The following DNAH9 variants were observed in gnomAD, a reference collection of about 807,000 sequenced individuals.
DNAH9 encodes dynein axonemal heavy chain 9.
In DNAH9, 345 loss-of-function variants were observed where a neutral mutation model predicts 471.6. The ratio of observed to expected loss-of-function variants is 0.73; its 90% confidence interval spans 0.67 to 0.80. The LOEUF is 0.80. DNAH9 is among the 30% of genes least tolerant of loss of function. The pLI is 0.00. For missense variants in DNAH9, 5,407 were observed against 5,609.2 expected (o/e 0.96, Z 1.15); for synonymous variants, 2,093 against 2,123.6 (o/e 0.99, Z 0.40).
At chr17:11,724,912 C>T (rs538871612) in intron 27 of DNAH9, among the ~76,000 whole-genome samples, 37 of 152,328 alleles carry the variant, frequency 2.4e-4, no homozygotes, top group Non-Finnish European at 3.4e-4. Flanking sequence ...CCCTGGTCTT[C>T]TCTTCCTTCA....
Position 11,854,443 on chromosome 17 carries a change from A to G in DNAH9, c.9933+15A>G, listed in dbSNP as rs1267492751. 1 of 1,602,678 alleles carries G rather than the reference A, an allele frequency of 6.2e-7. No individual in the cohort carries two copies. The highest frequency in any genetic ancestry group is 2.2e-5 in the East Asian group (1 of 44,722). ...CCAAGATCGCTGTGAGTGACCCCAG[A>G]GCCCCTCACCCTGCTAGTCCGCCTC... On this transcript the variant is annotated intron_variant, in intron 50 of 68. Coordinates refer to ENST00000262442, the MANE Select transcript of DNAH9 (RefSeq NM_001372.4).
At position 11,793,794 on chromosome 17, in the gene DNAH9, G is replaced by T. The variant is rs1969145416; in HGVS notation, c.8223+130G>T. The T allele has an allele frequency of 6.3e-6, 5 of 794,728 alleles. No homozygotes were observed. The Admixed American group carries it at 1.5e-4, about 24-fold the overall frequency. 49.2% of individuals were successfully genotyped at this position (794,728 alleles called of 1,614,324 possible). On this transcript the variant is annotated intron_variant, in intron 42 of 68. Coordinates refer to ENST00000262442, the MANE Select transcript of DNAH9 (RefSeq NM_001372.4). ...GAGTTTAGGTGAGGAAGGAAATTCT[G>T]TCATAATTTTGCCCAGGTAAAAAAA...
At chr17:11,843,066 C>T (rs1971084202) in intron 49 of DNAH9, among the ~76,000 whole-genome samples, 5 of 152,128 alleles carry the variant, frequency 3.3e-5, no homozygotes, top group Admixed American at 3.3e-4. Context: ...AATCCCAATC[C>T]AGGAGCAAAA....
chr17:11,612,055 G>A, intron 4 of DNAH9: 1 of 592,620 alleles, frequency 1.7e-6, no homozygotes, highest in East Asian at 2.8e-5. Context: ...ATACACTTCT[G>A]CCTACTTTTC....
rs796262674 is a variant in DNAH9 at position 11,637,647 on chromosome 17, G to C, written c.1786+863G>C. ...ATAAAATACATTCCTATAGTCAGTCGCACAGCGCTTTGCACATAGTGGGTG... is the reference window on the plus strand; with the variant it reads ...ATAAAATACATTCCTATAGTCAGTCCCACAGCGCTTTGCACATAGTGGGTG... On this transcript the variant is annotated intron_variant, in intron 9 of 68. Coordinates refer to ENST00000262442, the MANE Select transcript of DNAH9 (RefSeq NM_001372.4). Among the ~76,000 whole-genome samples, 3 of 152,112 alleles carry C rather than the reference G, an allele frequency of 2.0e-5. No homozygotes were observed. The East Asian group carries it at 5.8e-4, about 29-fold the overall frequency.
In DNAH9 at chr17:11,933,844, T is replaced by C. The variant is rs12948962; in HGVS notation, c.12298-36T>C. The C allele has an allele frequency of 0.3, 482,161 of 1,584,554 alleles. 76,834 individuals carry two copies. The highest frequency in any genetic ancestry group is 0.35 in the Middle Eastern group (1,993 of 5,766). On this transcript the variant is annotated intron_variant, in intron 64 of 68. Coordinates refer to ENST00000262442, the MANE Select transcript of DNAH9 (RefSeq NM_001372.4). ...AGCCCCGACGCCTGTGTGGAGGTCT[T>C]TCTTCCTTCCTCTCTTTCTTTCCCC... is the stretch of plus-strand genomic sequence containing the variant.
intron 29 of DNAH9, among the ~76,000 whole-genome samples, chr17:11,739,626 G>T (rs2008483): frequency 0.6 from 91,136 of 151,998 alleles, 29,116 homozygotes; most frequent in Admixed American, 0.74. Context: ...AAAAAGAGTA[G>T]TACCAAATTA....
intron 50 of DNAH9, among the ~76,000 whole-genome samples, chr17:11,866,264 G>T (rs1473853791): frequency 6.6e-6 from 1 of 152,144 alleles, no homozygotes; most frequent in African/African-American, 2.4e-5. Context: ...AGGTCTGTTG[G>T]AGTTTGCTGG....
intron 61 of DNAH9, among the ~76,000 whole-genome samples, chr17:11,912,062 G>A (rs937737827): frequency 6.6e-6 from 1 of 152,098 alleles, no homozygotes; most frequent in Non-Finnish European, 1.5e-5. Context: ...TCTGTCACCA[G>A]GCTGGAGTGC....
intron 36 of DNAH9, among the ~76,000 whole-genome samples, chr17:11,764,730 G>A (rs1967858269): frequency 1.3e-5 from 2 of 151,900 alleles, no homozygotes; most frequent in South Asian, 4.2e-4. Context: ...ATTGCGAAGA[G>A]GGAAGATAAA....
At chr17:11,967,645 G>A (rs2151458644) in intron 68 of DNAH9, among the ~76,000 whole-genome samples, 1 of 152,194 alleles carries the variant, frequency 6.6e-6, no homozygotes, top group Middle Eastern at 3.4e-3. Context: ...TTAGCTAAAT[G>A]AATTTTAAAA....
At chr17:11,725,657 A>G (rs887792504) in intron 27 of DNAH9, among the ~76,000 whole-genome samples, 36 of 152,106 alleles carry the variant, frequency 2.4e-4, no homozygotes, top group Non-Finnish European at 2.9e-5. Flanking sequence ...ACTTGAGGCC[A>G]GGAGTTCGAG....
chr17:11,625,264 A>G (rs2072948799), intron 6 of DNAH9, among the ~76,000 whole-genome samples: 1 of 152,192 alleles, frequency 6.6e-6, no homozygotes, highest in Non-Finnish European at 1.5e-5. Context: ...AGACAAAATG[A>G]TTTCCTGCTG....
Position 11,874,976 on chromosome 17 carries a change from G to A in DNAH9, c.10270G>A (p.Asp3424Asn), listed in dbSNP as rs2150988891. ...TCCCATTCCAGTCACCCCAGCCCTG[G>A]ATCCCCTGAGGATGCTGATGGATGA... ...KTPIPVTPAL[D>N]PLRMLMDDAD... Residue 3424 changes from aspartate to asparagine, a missense_variant, in exon 53 of 69, where the codon GAT becomes AAT. Asp to Asn is a conservative substitution (Grantham distance 23). Coordinates refer to ENST00000262442, the MANE Select transcript of DNAH9 (RefSeq NM_001372.4). 2 of 1,614,074 alleles carry A rather than the reference G, an allele frequency of 1.2e-6. No individual in the cohort carries two copies. Among genetic ancestry groups the A allele is most frequent in the East Asian group, 4.5e-5 (2 of 44,846 alleles).
intron 41 of DNAH9, among the ~76,000 whole-genome samples, chr17:11,785,285 C>T (rs1597644706): frequency 2.0e-5 from 3 of 152,154 alleles, no homozygotes; most frequent in South Asian, 2.1e-4. Flanking sequence ...GAGAGACCTT[C>T]CCCCAAGATA....
intron 38 of DNAH9, among the ~76,000 whole-genome samples, chr17:11,771,907 C>A (rs1255577199): frequency 6.6e-6 from 1 of 152,120 alleles, no homozygotes; most frequent in Admixed American, 6.6e-5. Flanking sequence ...TCTTGTACAG[C>A]CCTGTGAATA....
rs942672354 is a variant in DNAH9, at chr17:11,946,048, A to G, written c.12843+3563A>G. ...ACCTCATCTCTACTAAAAAATACAA[A>G]AATTAGCCAGGCGTGGTGGCACGCA... On this transcript the variant is annotated intron_variant, in intron 67 of 68. Transcript: ENST00000262442. Among the ~76,000 whole-genome samples the G allele has an allele frequency of 2.6e-5, 4 of 151,670 alleles. No homozygotes were observed. In the South Asian group the frequency reaches 8.4e-4, roughly 32 times the overall value.
intron 1 of DNAH9, 71 bp downstream of exon 1, chr17:11,598,986 G>A (rs972556048): frequency 3.4e-6 from 4 of 1,182,156 alleles, no homozygotes; most frequent in Non-Finnish European, 4.5e-6. Flanking sequence ...TTAAGGGACG[G>A]AGGCGGGGCC....
intron 43 of DNAH9, among the ~76,000 whole-genome samples, chr17:11,802,863 C>T (rs1969519118): frequency 6.6e-6 from 1 of 152,152 alleles, no homozygotes; most frequent in South Asian, 2.1e-4. Flanking sequence ...CTCTCCCTTT[C>T]TGCAGTTTTG....
Sources: gnomAD v4.1 joint callset for allele counts (sites outside exome capture counted in the v4.1 genomes callset) on GRCh38, gnomAD v4.1.1 for gene constraint, MANE v1.5 for transcripts, NCBI Gene and HGNC (gene_info 2026-07-23, HGNC 2026-07-21) for gene names.